The following BOLL variants were observed in gnomAD, a reference collection of about 807,000 sequenced individuals.
BOLL encodes the protein protein boule-like.
A neutral mutation model predicts 44.4 loss-of-function variants in BOLL; 23 were observed. The ratio of observed to expected loss-of-function variants is 0.52; its 90% CI spans 0.37 to 0.73. BOLL has a LOEUF of 0.73. Ranked by LOEUF, BOLL falls within the 30% of genes least tolerant of loss-of-function variation. The pLI, the probability that BOLL is intolerant of heterozygous loss-of-function variation, is 0.00. For missense variants in BOLL, 287 were observed against 338.3 expected (o/e 0.85, Z 1.19); for synonymous variants, 97 against 110.8 (o/e 0.88, Z 0.78).
At chr2:197,776,606 C>T (rs945007847) in intron 4 of BOLL, among the ~76,000 whole-genome samples, 1 of 151,856 alleles carries the variant, frequency 6.6e-6, no homozygotes, top group African/African-American at 2.4e-5. Flanking sequence ...AATTCAAATT[C>T]TACTTTTTTT....
At chr2:197,765,988 C>T (rs1688981390) in intron 7 of BOLL, among the ~76,000 whole-genome samples, 1 of 152,048 alleles carries the variant, frequency 6.6e-6, no homozygotes, top group Admixed American at 6.6e-5. Flanking sequence ...AGGATAATGG[C>T]CTCTGGCTCC....
At position 197,785,174 on chromosome 2, in the gene BOLL, C is replaced by G; in HGVS notation, c.-134G>C. Reference sequence around the variant, plus strand: ...TCTCGGGTCATCGTGAACTTGGGCACCGAAACGAGGATCCACCCCCTCCCC... The same window carrying G: ...TCTCGGGTCATCGTGAACTTGGGCAGCGAAACGAGGATCCACCCCCTCCCC... On this transcript the variant is annotated 5_prime_UTR_variant, in exon 1 of 11. Coordinates refer to ENST00000392296, the MANE Select transcript of BOLL (RefSeq NM_033030.6). The surrounding 1 kb of genome is among the most constrained non-coding windows in gnomAD (Gnocchi z 6.7). 1.0e-6 allele frequency: 1 copy of G among 985,962 alleles called. No individual in the cohort carries two copies. The highest frequency in any genetic ancestry group is 1.2e-6 in the Non-Finnish European group (1 of 829,934). 61.1% of individuals were successfully genotyped at this position (985,962 alleles called of 1,614,324 possible).
chr2:197,728,425 G>T lies in BOLL; in HGVS notation c.*130C>A. 1 of 1,379,084 alleles carries T rather than the reference G, an allele frequency of 7.3e-7. No homozygotes were observed. Among genetic ancestry groups the T allele is most frequent in the Non-Finnish European group, 1.0e-6 (1 of 978,008 alleles). The allele number at this position is 1,379,084 out of a possible 1,614,324, so 85.4% of individuals were successfully genotyped here. A position where few individuals can be genotyped will look rare whatever the true frequency, so the allele number is the denominator to read the frequency against. On this transcript the variant is annotated 3_prime_UTR_variant, in exon 11 of 11. Transcript: ENST00000392296. ...AGCTTATAGTGGAATAACTGAGTATGGTGAGGTATTAACTAACACTAAGTT... is the reference window on the plus strand; with the variant it reads ...AGCTTATAGTGGAATAACTGAGTATTGTGAGGTATTAACTAACACTAAGTT...
At chr2:197,739,922 C>T (rs1479341864) in intron 10 of BOLL, among the ~76,000 whole-genome samples, 4 of 152,124 alleles carry the variant, frequency 2.6e-5, no homozygotes, top group South Asian at 4.1e-4. Flanking sequence ...ATAACTATCA[C>T]TTACATAATA....
Position 197,779,064 on chromosome 2 carries a change from T to C in BOLL, c.132A>G (p.Thr44=). 6.2e-7 allele frequency: 1 copy of C among 1,600,038 alleles called. No homozygotes were observed. Among genetic ancestry groups the C allele is most frequent in the Non-Finnish European group, 8.5e-7 (1 of 1,171,538 alleles). Residue 44 remains threonine, a splice_region_variant and synonymous_variant, in exon 3 of 11, where the codon ACA becomes ACG. Transcript: ENST00000392296. ...RIFVGGIDFK[T]NESDLRKFFS... ...AAAATTTTCTTAAATCACTTTCGTT[T>C]GTCTAATGGCATAAAAAGAAAACGT... is the stretch of plus-strand genomic sequence containing the variant.
Position 197,728,182 on chromosome 2 carries a change from A to C in BOLL, c.*373T>G, listed in dbSNP as rs1686931444. 3.0e-6 allele frequency: 1 copy of C among 338,502 alleles called. No homozygotes were observed. The highest frequency in any genetic ancestry group is 5.3e-6 in the Non-Finnish European group (1 of 189,482). 21.0% of individuals were successfully genotyped at this position (338,502 alleles called of 1,614,324 possible). ...TGAAAATAAATATCAAATAATATGA[A>C]ACATAACATCTAATTGTTTGATAAG... On this transcript the variant is annotated 3_prime_UTR_variant, in exon 11 of 11. Transcript: ENST00000392296.
rs942810664 is a variant in BOLL, at chr2:197,727,091, T to A, written c.*1464A>T. On this transcript the variant is annotated 3_prime_UTR_variant, in exon 11 of 11. Transcript: ENST00000392296. ...CATTGTGGGACTTAATCTATTTACA[T>A]TCCTAAAACTGAGAATAATTAATGT... 1.3e-5 allele frequency: 2 copies of A among 152,458 alleles called. No homozygotes were observed. The highest frequency in any genetic ancestry group is 2.9e-5 in the Non-Finnish European group (2 of 68,028). The allele number at this position is 152,458 out of a possible 1,614,324, so 9.4% of individuals were successfully genotyped here. A position where few individuals can be genotyped will look rare whatever the true frequency, so the allele number is the denominator to read the frequency against.
intron 9 of BOLL, among the ~76,000 whole-genome samples, chr2:197,745,277 G>A (rs1687941137): frequency 6.6e-6 from 1 of 151,796 alleles, no homozygotes; most frequent in South Asian, 2.1e-4. Context: ...ACACTCACAA[G>A]AAAAGTCGTG....
At chr2:197,731,999 C>T (rs1254885308) in intron 10 of BOLL, among the ~76,000 whole-genome samples, 1 of 150,324 alleles carries the variant, frequency 6.7e-6, no homozygotes, top group Admixed American at 6.6e-5. Context: ...AAAAACCCTT[C>T]AAAAAATTAA....
intron 9 of BOLL, among the ~76,000 whole-genome samples, chr2:197,744,771 T>C (rs1392505370): frequency 6.6e-6 from 1 of 152,192 alleles, no homozygotes; most frequent in African/African-American, 2.4e-5. Flanking sequence ...AAATAGTTTT[T>C]CCTGATGTCC....
chr2:197,781,059 A>C (rs1689754614), intron 2 of BOLL, among the ~76,000 whole-genome samples: 1 of 152,100 alleles, frequency 6.6e-6, no homozygotes, highest in Admixed American at 6.5e-5. Context: ...TTCGGGGTAC[A>C]CGTGCAGATT....
In BOLL at chr2:197,728,406, T is replaced by C. The variant is rs977148103; in HGVS notation, c.*149A>G. 6 of 1,265,076 alleles carry C rather than the reference T, an allele frequency of 4.7e-6. No homozygotes were observed. Among genetic ancestry groups the C allele is most frequent in the Non-Finnish European group, 6.7e-6 (6 of 894,608 alleles). The allele number at this position is 1,265,076 out of a possible 1,614,324, so 78.4% of individuals were successfully genotyped here. On this transcript the variant is annotated 3_prime_UTR_variant, in exon 11 of 11. Transcript: ENST00000392296. ...AATTTCATCAAATTTAGACAGCTTATAGTGGAATAACTGAGTATGGTGAGG... is the reference window on the plus strand; with the variant it reads ...AATTTCATCAAATTTAGACAGCTTACAGTGGAATAACTGAGTATGGTGAGG...
At chr2:197,781,657 ATAATTT>A in intron 2 of BOLL, 59 bp downstream of exon 2, 2 of 1,331,724 alleles carry the variant, frequency 1.5e-6, no homozygotes, top group South Asian at 4.5e-5. Context: ...GCACAAAGAA[ATAATTT>A]CTGAGAAATA....
Position 197,777,970 on chromosome 2 carries a change from C to T in BOLL, c.222-857G>A, listed in dbSNP as rs146387476. Among the ~76,000 whole-genome samples, 47 of 151,920 alleles carry T rather than the reference C, an allele frequency of 3.1e-4. No individual in the cohort carries two copies. The East Asian group carries it at 8.1e-3, about 26-fold the overall frequency. On this transcript the variant is annotated intron_variant, in intron 3 of 10. Coordinates refer to ENST00000392296, the MANE Select transcript of BOLL (RefSeq NM_033030.6). Reference sequence around the variant, plus strand: ...TTAAAAAGTTAAGGAATTAGTTTTACGCTATTTTTTTGGTAGAACACACAC... The same window carrying T: ...TTAAAAAGTTAAGGAATTAGTTTTATGCTATTTTTTTGGTAGAACACACAC...
chr2:197,728,741 G>A (rs1393739753), intron 10 of BOLL, among the ~76,000 whole-genome samples, 163 bp from the exon 11 acceptor site: 1 of 152,124 alleles, frequency 6.6e-6, no homozygotes, highest in East Asian at 1.9e-4. Context: ...AGCAATTTAG[G>A]AGGGCTCCAG....
At chr2:197,775,954 T>C (rs1162676377) in intron 4 of BOLL, among the ~76,000 whole-genome samples, 1 of 151,924 alleles carries the variant, frequency 6.6e-6, no homozygotes, top group Non-Finnish European at 1.5e-5. Context: ...CAGTCAATCC[T>C]CATTACTCAT....
In BOLL at chr2:197,785,301, G is replaced by A. The variant is rs902267516; in HGVS notation, c.-261C>T. Reference sequence around the variant, plus strand: ...AAGCCTCAACGGCAGCGACCCCGCCGCTGGCCTCGTGCGCAGCTGGTCCCC... The same window carrying A: ...AAGCCTCAACGGCAGCGACCCCGCCACTGGCCTCGTGCGCAGCTGGTCCCC... On this transcript the variant is annotated 5_prime_UTR_variant, in exon 1 of 11. Coordinates refer to ENST00000392296, the MANE Select transcript of BOLL (RefSeq NM_033030.6). This position sits in a 1 kb window ranked among gnomAD's most constrained non-coding sequence, Gnocchi z 6.7. 8.1e-6 allele frequency: 8 copies of A among 985,556 alleles called. No individual in the cohort carries two copies. The highest frequency in any genetic ancestry group is 5.2e-4 in the Middle Eastern group (1 of 1,936). 61.1% of individuals were successfully genotyped at this position (985,556 alleles called of 1,614,324 possible).
At chr2:197,754,606 C>T (rs1171026768) in intron 9 of BOLL, among the ~76,000 whole-genome samples, 2 of 152,198 alleles carry the variant, frequency 1.3e-5, no homozygotes, top group African/African-American at 4.8e-5. Flanking sequence ...CCCAGCTACT[C>T]AGGAGGCTGA....
At position 197,756,546 on chromosome 2, in the gene BOLL, G is replaced by A; in HGVS notation, c.611C>T (p.Ser204Phe). The A allele has an allele frequency of 3.1e-6, 5 of 1,605,924 alleles. No individual in the cohort carries two copies. The highest frequency in any genetic ancestry group is 4.3e-6 in the Non-Finnish European group (5 of 1,176,104). The change falls in exon 9 of 11, where the codon TCT (serine) becomes TTT (phenylalanine). Residue 204 changes from serine (S) to phenylalanine (F), a missense_variant. Ser to Phe is a radical substitution (Grantham distance 155). Coordinates refer to ENST00000392296, the MANE Select transcript of BOLL (RefSeq NM_033030.6). ...TTGCAGGTATAAGAATGGAGCAGAA[G>A]AGGCAGAAGGCTAAAATACAAAACC... The part of the protein sequence containing the change: ...WQWSVPQPSA[S>F]SAPFLYLQPS...
Sources: gnomAD v4.1 joint callset for allele counts (sites outside exome capture counted in the v4.1 genomes callset) on GRCh38, gnomAD v4.1.1 for gene constraint, Gnocchi (gnomAD v3.1) non-coding constraint, MANE v1.5 for transcripts, NCBI Gene and HGNC (gene_info 2026-07-23, HGNC 2026-07-21) for gene names.